ATG4B: variants seen among roughly 807,000 people sequenced by gnomAD.
ATG4B encodes cysteine protease ATG4B.
ATG4B carries 29 observed loss-of-function variants against 56.6 expected under a neutral mutation model. The ratio of observed to expected loss-of-function variants is 0.51; its 90% CI spans 0.38 to 0.70. The LOEUF is 0.70. Ranked by LOEUF, ATG4B falls within the 30% of genes least tolerant of loss-of-function variation. The pLI is 0.00. For synonymous variants in ATG4B, 224 were observed against 206.1 expected (o/e 1.09, Z -0.74); for missense variants, 461 against 515.5 (o/e 0.89, Z 1.02).
At chr2:241,638,966 C>T (rs1194849637) in intron 1 of ATG4B, among the ~76,000 whole-genome samples, 6 of 152,346 alleles carry the variant, frequency 3.9e-5, no homozygotes, top group East Asian at 1.9e-4. Flanking sequence ...CAGCCAGAGA[C>T]CTCCGGCTGG....
intron 7 of ATG4B, 135 bp from the exon 8 acceptor site, chr2:241,666,510 C>T (rs2068778014): frequency 2.1e-6 from 2 of 937,944 alleles, no homozygotes; most frequent in Non-Finnish European, 1.6e-6. Flanking sequence ...CTATATTTTC[C>T]AAGTTTGAAT....
rs1043212476 is a variant in ATG4B, at chr2:241,637,736, C to T, written c.10+12C>T. 15 of 1,574,408 alleles carry T rather than the reference C, an allele frequency of 9.5e-6. No homozygotes were observed. The highest frequency in any genetic ancestry group is 2.8e-5 in the African/African-American group (2 of 70,506). ...GAAGATGGACGCAGGTGAGGAGTTG[C>T]CGGGGGTCGGTCTTTCCGCAGGAGG... On this transcript the variant is annotated intron_variant, in intron 1 of 12. Transcript: ENST00000404914.
chr2:241,659,892 TAAGA>T (rs1439252040), intron 7 of ATG4B: 2 of 157,892 alleles, frequency 1.3e-5, no homozygotes, highest in Non-Finnish European at 2.8e-5. Context: ...CAATTTTCCA[TAAGA>T]AAGAGCTCAT....
At position 241,668,444 on chromosome 2, in the gene ATG4B, T is replaced by C. The variant is rs1202099273; in HGVS notation, c.812-96T>C. 4 of 1,504,492 alleles carry C rather than the reference T, an allele frequency of 2.7e-6. No homozygotes were observed. In the Admixed American group the frequency reaches 5.9e-5, roughly 22 times the overall value. The allele number at this position is 1,504,492 out of a possible 1,614,324, so 93.2% of individuals were successfully genotyped here. On this transcript the variant is annotated intron_variant, in intron 9 of 12. Coordinates refer to ENST00000404914, the MANE Select transcript of ATG4B (RefSeq NM_013325.5). This position sits in a 1 kb window ranked among gnomAD's most constrained non-coding sequence, Gnocchi z 4.2. ...CCACCTCCTGCCCACTGCTTCTCAG[T>C]GTGATGTGGGTGCAGTGGGTCTGAA...
At chr2:241,647,428 C>G (rs2068094663) in intron 1 of ATG4B, among the ~76,000 whole-genome samples, 1 of 151,132 alleles carries the variant, frequency 6.6e-6, no homozygotes, top group African/African-American at 2.4e-5. Flanking sequence ...ACCATCCTGG[C>G]TAACACAGTG....
chr2:241,659,071 G>C, intron 6 of ATG4B, 37 bp from the exon 7 acceptor site: 2 of 1,514,558 alleles, frequency 1.3e-6, no homozygotes, highest in South Asian at 1.2e-5. Flanking sequence ...TCTTTGAATT[G>C]TACAAAAGCT....
chr2:241,666,659 A>G lies in ATG4B; in HGVS notation c.553A>G (p.Thr185Ala). 1 of 1,613,470 alleles carries G rather than the reference A, an allele frequency of 6.2e-7. No homozygotes were observed. The highest frequency in any genetic ancestry group is 1.3e-5 in the African/African-American group (1 of 75,038). ...VMEEIRRLCRTSVPCAGATAF... is the reference protein window; with the variant it reads ...VMEEIRRLCRASVPCAGATAF... ...TCCCTTTCTAGGAAGGTTGTGCAGG[A>G]CCAGCGTTCCCTGTGCAGGCGCCAC... The change falls in exon 8 of 13, where the codon ACC becomes GCC. Residue 185 changes from threonine to alanine, a missense_variant. Thr to Ala is a moderately conservative substitution (Grantham distance 58). Coordinates refer to ENST00000404914, the MANE Select transcript of ATG4B (RefSeq NM_013325.5).
chr2:241,638,707 A>G (rs758853905), intron 1 of ATG4B, among the ~76,000 whole-genome samples: 3 of 152,222 alleles, frequency 2.0e-5, no homozygotes, highest in Non-Finnish European at 2.9e-5. Flanking sequence ...GCCAATATCT[A>G]TTAAAATGAT....
intron 10 of ATG4B, among the ~76,000 whole-genome samples, chr2:241,670,304 A>C (rs2068922328): frequency 6.6e-6 from 1 of 151,334 alleles, no homozygotes. Context: ...GTCCTTGGGC[A>C]GTTCTCGGTG....
At chr2:241,645,604 A>G (rs2068038174) in intron 1 of ATG4B, among the ~76,000 whole-genome samples, 1 of 152,182 alleles carries the variant, frequency 6.6e-6, no homozygotes, top group Admixed American at 6.5e-5. Flanking sequence ...AGTCACAAGA[A>G]GGTCACTAGC....
intron 1 of ATG4B, among the ~76,000 whole-genome samples, chr2:241,641,041 C>T (rs1283451965): frequency 3.9e-5 from 6 of 152,246 alleles, no homozygotes; most frequent in African/African-American, 1.4e-4. Flanking sequence ...TGCAGAGGGG[C>T]AAGGGCAGAG....
chr2:241,652,994 C>T (rs2068267596), intron 3 of ATG4B, among the ~76,000 whole-genome samples: 1 of 152,232 alleles, frequency 6.6e-6, no homozygotes, highest in South Asian at 2.1e-4. Context: ...TCCCACGTGC[C>T]TGTCACATGC....
intron 7 of ATG4B, among the ~76,000 whole-genome samples, chr2:241,666,425 T>G (rs2068772775): frequency 6.6e-6 from 1 of 152,258 alleles, no homozygotes; most frequent in Admixed American, 6.5e-5. Context: ...ATAAAACTCT[T>G]GAATTAAGTA....
intron 8 of ATG4B, chr2:241,667,812 G>A (rs2068827245): frequency 7.4e-6 from 2 of 268,676 alleles, no homozygotes; most frequent in East Asian, 8.4e-5. Flanking sequence ...CGTCTCCATC[G>A]CTTCTGCCCT....
At chr2:241,662,553 C>G (rs528717551) in intron 7 of ATG4B, among the ~76,000 whole-genome samples, 6 of 152,226 alleles carry the variant, frequency 3.9e-5, no homozygotes, top group Non-Finnish European at 7.3e-5. Flanking sequence ...GTAGGTCACA[C>G]ACTCAGTGCT....
At position 241,670,766 on chromosome 2, in the gene ATG4B, G is replaced by A. The variant is rs1366099996; in HGVS notation, c.998G>A (p.Cys333Tyr). ...CKTEDDFNDW[C>Y]QQVKKLSLLG... is the part of the protein sequence containing the mutation. ...ACTGAAGATGACTTCAATGATTGGT[G>A]CCAGCAAGTCAAAAAGGTTTGTAGC... The change falls in exon 11 of 13, where the codon TGC becomes TAC. Residue 333 changes from cysteine to tyrosine, a missense_variant. Cys to Tyr is a radical substitution (Grantham distance 194). Coordinates refer to ENST00000404914, the MANE Select transcript of ATG4B (RefSeq NM_013325.5). 1 of 1,610,584 alleles carries A rather than the reference G, an allele frequency of 6.2e-7. No individual in the cohort carries two copies. Among genetic ancestry groups the A allele is most frequent in the South Asian group, 1.1e-5 (1 of 90,398 alleles).
chr2:241,658,320 G>T (rs2068477125), intron 6 of ATG4B, among the ~76,000 whole-genome samples: 1 of 151,822 alleles, frequency 6.6e-6, no homozygotes, highest in African/African-American at 2.4e-5. Context: ...GGGCAGGGGG[G>T]CAGTGGGGGG....
At chr2:241,653,707 A>G in intron 4 of ATG4B, 97 bp downstream of exon 4, 1 of 1,029,400 alleles carries the variant, frequency 9.7e-7, no homozygotes, top group Non-Finnish European at 1.4e-6. Context: ...CCACAGGTAA[A>G]ACAGTAAGTA....
Position 241,666,627 on chromosome 2 carries a change from G to A in ATG4B, c.539-18G>A, listed in dbSNP as rs1200491328. On this transcript the variant is annotated intron_variant, in intron 7 of 12. Transcript: ENST00000404914. ...GCACAGGTCTGCTTGGTTAGTGAAA[G>A]CATGTCTCCCTTTCTAGGAAGGTTG... 1.2e-6 allele frequency: 2 copies of A among 1,612,386 alleles called. No homozygotes were observed. Among genetic ancestry groups the A allele is most frequent in the Non-Finnish European group, 1.7e-6 (2 of 1,179,412 alleles).
Sources: gnomAD v4.1 joint callset for allele counts (sites outside exome capture counted in the v4.1 genomes callset) on GRCh38, gnomAD v4.1.1 for gene constraint, Gnocchi (gnomAD v3.1) non-coding constraint, MANE v1.5 for transcripts, NCBI Gene and HGNC (gene_info 2026-07-23, HGNC 2026-07-21) for gene names.